Variants in ROBO2 observed in about 807,000 individuals in gnomAD.
ROBO2 encodes the protein roundabout homolog 2.
A neutral mutation model predicts 160.8 loss-of-function variants in ROBO2; 53 were observed. The observed-to-expected ratio is 0.33, with a 90% CI of 0.26 to 0.41. ROBO2 has a LOEUF of 0.41. Ranked by LOEUF, ROBO2 falls within the 10% of genes least tolerant of loss-of-function variation. The pLI, the probability that ROBO2 is intolerant of heterozygous loss-of-function variation, is 1.00. For synonymous variants in ROBO2, 664 were observed against 611.7 expected, an observed-to-expected ratio of 1.09 and a Z score of -1.26; for missense variants, 1,577 against 1,722.4, an observed-to-expected ratio of 0.92 and a Z score of 1.49.
chr3:76,248,933 T>C (rs1398496814), intron 2 of ROBO2, among the ~76,000 whole-genome samples: 2 of 152,122 alleles, frequency 1.3e-5, no homozygotes, highest in Admixed American at 6.6e-5. Context: ...AGCACAGATA[T>C]GTGTTCAATC....
chr3:76,461,980 C>A (rs528431564), intron 2 of ROBO2, among the ~76,000 whole-genome samples: 1 of 152,174 alleles, frequency 6.6e-6, no homozygotes, highest in South Asian at 2.1e-4. Flanking sequence ...TTTTTCAGTT[C>A]TTTATCTAAT....
chr3:77,515,944 A>C (rs186526992), intron 5 of ROBO2, among the ~76,000 whole-genome samples: 146 of 151,764 alleles, frequency 9.6e-4, no homozygotes, highest in Non-Finnish European at 1.5e-3. Context: ...TGGTGTCTTG[A>C]AATAACCAAT....
intron 4 of ROBO2, 21 bp downstream of exon 4, chr3:77,481,240 A>G: frequency 6.7e-7 from 1 of 1,497,636 alleles, no homozygotes; most frequent in Non-Finnish European, 8.9e-7. Context: ...CTTCTAAATT[A>G]TAAATTTTTA....
At chr3:76,062,532 A>C (rs952348247) in intron 2 of ROBO2, among the ~76,000 whole-genome samples, 1 of 152,170 alleles carries the variant, frequency 6.6e-6, no homozygotes, top group East Asian at 1.9e-4. Context: ...AGTGAAGTCA[A>C]TACTCAATCT....
chr3:76,329,509 C>T (rs1267614798), intron 2 of ROBO2, among the ~76,000 whole-genome samples: 1 of 152,220 alleles, frequency 6.6e-6, no homozygotes, highest in Non-Finnish European at 1.5e-5. Flanking sequence ...TGAGCCACGG[C>T]ATCCGTCCTC....
chr3:76,906,413 A>G (rs1287256849), intron 2 of ROBO2, among the ~76,000 whole-genome samples: 1 of 151,936 alleles, frequency 6.6e-6, no homozygotes, highest in East Asian at 1.9e-4. Flanking sequence ...CGATTTGCAA[A>G]TAAGTTCTTG....
intron 2 of ROBO2, among the ~76,000 whole-genome samples, chr3:76,463,869 C>A (rs1468267763): frequency 6.6e-6 from 1 of 152,172 alleles, no homozygotes; most frequent in Non-Finnish European, 1.5e-5. Context: ...GAGCAAACAA[C>A]CCCTCAAGTA....
chr3:76,613,609 T>A (rs977691129), intron 2 of ROBO2, among the ~76,000 whole-genome samples: 1 of 151,934 alleles, frequency 6.6e-6, no homozygotes, highest in South Asian at 2.1e-4. Context: ...GTAATGTTCA[T>A]CATGTTATCT....
intron 6 of ROBO2, chr3:77,538,939 G>A (rs934133910): frequency 2.0e-5 from 9 of 452,848 alleles, no homozygotes; most frequent in Non-Finnish European, 4.0e-5. Context: ...TTTAGAGACG[G>A]AGGCTTGCTC....
chr3:77,392,873 G>A (rs1283591970), intron 2 of ROBO2, among the ~76,000 whole-genome samples: 4 of 152,192 alleles, frequency 2.6e-5, no homozygotes, highest in South Asian at 2.1e-4. Context: ...TTATACATAC[G>A]AAACAAATCT....
In ROBO2 at chr3:76,447,357, C is replaced by A. The variant is rs968017335; in HGVS notation, c.109+509755C>A. ...CCACAATGAGATACCATCTCACACC[C>A]GTTAGAATGGCGATCATTAAAAAGT... On this transcript the variant is annotated intron_variant, in intron 2 of 26. Transcript: ENST00000487694. Among the ~76,000 whole-genome samples, 341 of 151,760 alleles carry A rather than the reference C, an allele frequency of 2.2e-3. 1 individual carries two copies. The highest frequency in any genetic ancestry group is 7.3e-3 in the African/African-American group (300 of 41,332).
chr3:77,326,300 T>G (rs1257043983), intron 2 of ROBO2, among the ~76,000 whole-genome samples: 1 of 152,168 alleles, frequency 6.6e-6, no homozygotes, highest in Non-Finnish European at 1.5e-5. Context: ...ATCTCAGTAG[T>G]AAAGACTATT....
chr3:76,321,500 AAACAAC>A (rs78497819), intron 2 of ROBO2, among the ~76,000 whole-genome samples: 107,780 of 150,348 alleles, frequency 0.72, 43,485 homozygotes, highest in Non-Finnish European at 0.92. Flanking sequence ...CCATCTCAAA[AAACAAC>A]AACAACAACA....
chr3:77,632,415 T>G, intron 23 of ROBO2: 1 of 1,319,166 alleles, frequency 7.6e-7, no homozygotes, highest in South Asian at 1.5e-5. Flanking sequence ...GTATAGTGTG[T>G]ACAAGCAGAT....
chr3:76,102,323 C>T (rs934045059), intron 2 of ROBO2, among the ~76,000 whole-genome samples: 4 of 152,086 alleles, frequency 2.6e-5, no homozygotes, highest in Admixed American at 6.5e-5. Context: ...TTATTAGTTT[C>T]TTTTTATATT....
chr3:76,830,692 A>G (rs1353541743), intron 2 of ROBO2, among the ~76,000 whole-genome samples: 1 of 146,734 alleles, frequency 6.8e-6, no homozygotes, highest in Non-Finnish European at 1.5e-5. Flanking sequence ...AAAGTCACCT[A>G]GGGGCTGGGC....
At chr3:77,514,781 A>G (rs1023985154) in intron 5 of ROBO2, among the ~76,000 whole-genome samples, 45 of 151,822 alleles carry the variant, frequency 3.0e-4, no homozygotes, top group Admixed American at 4.6e-4. Context: ...TTACAATGAC[A>G]TTAATATTAA....
chr3:76,377,881 C>A (rs2076426236), intron 2 of ROBO2, among the ~76,000 whole-genome samples: 1 of 152,074 alleles, frequency 6.6e-6, no homozygotes, highest in Non-Finnish European at 1.5e-5. Context: ...ATTACACTGT[C>A]ATCAGTATCG....
At chr3:76,241,570 A>G (rs1270183674) in intron 2 of ROBO2, among the ~76,000 whole-genome samples, 1 of 152,194 alleles carries the variant, frequency 6.6e-6, no homozygotes, top group Non-Finnish European at 1.5e-5. Flanking sequence ...ATGCTCAGTT[A>G]TATTACTAAG....
Sources: allele counts gnomAD v4.1 joint callset (sites outside exome capture counted in the v4.1 genomes callset), GRCh38; gene constraint gnomAD v4.1.1; transcripts MANE v1.5; gene names NCBI Gene and HGNC (gene_info 2026-07-23, HGNC 2026-07-21).